SNAP91: variants seen among roughly 807,000 people sequenced by gnomAD.
The protein encoded by SNAP91 is clathrin coat assembly protein AP180.
In SNAP91, 27 loss-of-function variants were observed where a neutral mutation model predicts 100.3. The observed-to-expected ratio is 0.27, with a 90% CI of 0.20 to 0.37. The LOEUF (loss-of-function observed/expected upper bound fraction) is 0.37, where lower values mean the gene tolerates loss of function less well. Among genes scored for constraint, SNAP91 ranks in the 10% least tolerant of loss-of-function variants. The pLI is 1.00. For synonymous variants in SNAP91, 404 were observed against 398.6 expected, an observed-to-expected ratio of 1.01 and a Z score of -0.16; for missense variants, 986 against 1,123.7, an observed-to-expected ratio of 0.88 and a Z score of 1.75.
At chr6:83,625,742 AT>A (rs1224303609) in intron 8 of SNAP91, among the ~76,000 whole-genome samples, 1 of 151,842 alleles carries the variant, frequency 6.6e-6, no homozygotes, top group Admixed American at 6.6e-5. Context: ...TTTCTTGGTG[AT>A]TTATTTAAGT....
intron 2 of SNAP91, among the ~76,000 whole-genome samples, chr6:83,693,847 T>C (rs553595297): frequency 1.6e-3 from 244 of 152,330 alleles, no homozygotes; most frequent in Non-Finnish European, 3.0e-3. Flanking sequence ...TATGTAAATC[T>C]AGTGAGCAGC....
intron 5 of SNAP91, among the ~76,000 whole-genome samples, chr6:83,659,819 G>A (rs1195839757): frequency 6.6e-6 from 1 of 151,894 alleles, no homozygotes; most frequent in Non-Finnish European, 1.5e-5. Flanking sequence ...AAACCTGTAT[G>A]ACTTGGAGTA....
intron 28 of SNAP91, among the ~76,000 whole-genome samples, chr6:83,556,831 C>T (rs141009306): frequency 0.014 from 2,103 of 152,264 alleles, 40 homozygotes; most frequent in African/African-American, 0.048. Context: ...AAATTACTTA[C>T]ACTTATTAGC....
At chr6:83,661,884 T>C (rs1331465226) in intron 4 of SNAP91, among the ~76,000 whole-genome samples, 7 of 152,238 alleles carry the variant, frequency 4.6e-5, no homozygotes, top group Non-Finnish European at 7.3e-5. Context: ...ATGGCCAGTT[T>C]CAGACTTAAT....
At chr6:83,617,080 T>C in intron 9 of SNAP91, 41 bp from the exon 10 acceptor site, 1 of 1,344,536 alleles carries the variant, frequency 7.4e-7, no homozygotes, top group Non-Finnish European at 1.0e-6. Flanking sequence ...CATTGTTTAC[T>C]TTCAATGTAA....
chr6:83,669,525 A>G (rs539075798), intron 2 of SNAP91, among the ~76,000 whole-genome samples: 1 of 152,096 alleles, frequency 6.6e-6, no homozygotes, highest in South Asian at 2.1e-4. Flanking sequence ...GCACATATGT[A>G]AAGTGTACTA....
chr6:83,554,238 GA>G lies in SNAP91; in HGVS notation c.*57del. On this transcript the variant is annotated 3_prime_UTR_variant, in exon 30 of 30. Coordinates refer to ENST00000369694, the MANE Select transcript of SNAP91 (RefSeq NM_001242792.2). Reference sequence around the variant, plus strand: ...TTGAAACTCAGCATCAATCTTATTTGAAGTCTCCAAACTCATTTATTTTCCT... The same window carrying G: ...TTGAAACTCAGCATCAATCTTATTTGAGTCTCCAAACTCATTTATTTTCCT... The G allele has an allele frequency of 7.4e-6, 2 of 270,970 alleles. No homozygotes were observed. Among genetic ancestry groups the G allele is most frequent in the Non-Finnish European group, 1.4e-5 (2 of 138,858 alleles). The allele number at this position is 270,970 out of a possible 1,614,324, so 16.8% of individuals were successfully genotyped here.
At chr6:83,618,159 AAT>A (rs943949652) in intron 9 of SNAP91, among the ~76,000 whole-genome samples, 2 of 151,884 alleles carry the variant, frequency 1.3e-5, no homozygotes, top group Non-Finnish European at 3.0e-5. Context: ...TCATTTCACT[AAT>A]AGACTCTTAA....
At chr6:83,611,570 A>G (rs796662422) in intron 11 of SNAP91, 19 of 346,050 alleles carry the variant, frequency 5.5e-5, no homozygotes, top group South Asian at 3.9e-4. Flanking sequence ...CAGAGAAAAT[A>G]TCACACACAT....
chr6:83,566,376 T>G (rs1320589557), intron 26 of SNAP91, among the ~76,000 whole-genome samples: 1 of 152,148 alleles, frequency 6.6e-6, no homozygotes, highest in Non-Finnish European at 1.5e-5. Context: ...TCAATAAAAA[T>G]TTTTTCAAAA....
In SNAP91 at chr6:83,659,106, A is replaced by G. The variant is rs367640019; in HGVS notation, c.453-14T>C. 1.3e-6 allele frequency: 2 copies of G among 1,559,038 alleles called. No homozygotes were observed. Among genetic ancestry groups the G allele is most frequent in the African/African-American group, 1.4e-5 (1 of 73,132 alleles). Reference sequence around the variant, plus strand: ...ACACCATCGGCCCTACAATTAAAAAAAAAAAAAAGGTACAATTTCATTGGA... The same window carrying G: ...ACACCATCGGCCCTACAATTAAAAAGAAAAAAAAGGTACAATTTCATTGGA... On this transcript the variant is annotated splice_polypyrimidine_tract_variant and intron_variant, in intron 5 of 29. Transcript: ENST00000369694.
rs368925325 is a variant in SNAP91 at position 83,561,588 on chromosome 6, TC to T, written c.2443-642del. Among the ~76,000 whole-genome samples, 832 of 152,260 alleles carry T rather than the reference TC, an allele frequency of 5.5e-3. 3 individuals are homozygous for T. The highest frequency in any genetic ancestry group is 0.019 in the African/African-American group (774 of 41,556). On this transcript the variant is annotated intron_variant, in intron 26 of 29. Coordinates refer to ENST00000369694, the MANE Select transcript of SNAP91 (RefSeq NM_001242792.2). ...CTTCCTCTGTATCTTTTTAGACCCA[TC>T]CTCCCTGGAAATGAGTCAAACTTCC... is the stretch of plus-strand genomic sequence containing the variant.
intron 13 of SNAP91, 128 bp from the exon 14 acceptor site, chr6:83,605,931 T>A (rs1478237342): frequency 8.3e-6 from 7 of 846,652 alleles, no homozygotes; most frequent in Non-Finnish European, 1.1e-5. Context: ...AATAATACTT[T>A]GGAAAGTATA....
intron 9 of SNAP91, 35 bp downstream of exon 9, chr6:83,623,266 T>C (rs1054688870): frequency 6.5e-6 from 10 of 1,542,128 alleles, no homozygotes; most frequent in Admixed American, 1.7e-5. Context: ...AATAATCTCA[T>C]GCATACTGAA....
chr6:83,670,559 T>C (rs2098766868), intron 2 of SNAP91, among the ~76,000 whole-genome samples: 1 of 151,792 alleles, frequency 6.6e-6, no homozygotes, highest in African/African-American at 2.4e-5. Flanking sequence ...TTTATGGAGG[T>C]TTTCTTTTAA....
intron 2 of SNAP91, among the ~76,000 whole-genome samples, chr6:83,676,382 T>C (rs1452158017): frequency 2.6e-5 from 4 of 152,102 alleles, no homozygotes; most frequent in Non-Finnish European, 5.9e-5. Flanking sequence ...CTGCTTCAGA[T>C]AGGGTGATCA....
chr6:83,693,412 TGA>T (rs1456784224), intron 2 of SNAP91, among the ~76,000 whole-genome samples: 2 of 152,178 alleles, frequency 1.3e-5, no homozygotes, highest in Non-Finnish European at 2.9e-5. Context: ...TTGTAGTGAA[TGA>T]GAGACTGCTA....
intron 8 of SNAP91, 137 bp downstream of exon 8, chr6:83,640,959 C>T (rs2097673924): frequency 6.1e-6 from 3 of 489,186 alleles, no homozygotes; most frequent in East Asian, 7.1e-5. Context: ...TCACTTCCAA[C>T]CTTAATATAC....
intron 8 of SNAP91, among the ~76,000 whole-genome samples, chr6:83,629,940 G>T (rs1317822156): frequency 6.6e-6 from 1 of 152,036 alleles, no homozygotes; most frequent in Non-Finnish European, 1.5e-5. Context: ...GTTCTCAGAG[G>T]AAATGCTATC....
Sources: allele counts gnomAD v4.1 joint callset (sites outside exome capture counted in the v4.1 genomes callset), GRCh38; gene constraint gnomAD v4.1.1; transcripts MANE v1.5; gene names NCBI Gene and HGNC (gene_info 2026-07-23, HGNC 2026-07-21).